ITPR2: variants seen among roughly 807,000 people sequenced by gnomAD.
The protein encoded by ITPR2 is inositol 1,4,5-trisphosphate receptor type 2.
Under a neutral mutation model 317.1 loss-of-function variants are expected in ITPR2, and 207 were observed. That is an observed-to-expected ratio of 0.65 (90% CI 0.58 to 0.73). The LOEUF (loss-of-function observed/expected upper bound fraction) is 0.73, where lower values mean the gene tolerates loss of function less well. Among genes scored for constraint, ITPR2 ranks in the 30% least tolerant of loss-of-function variants. The probability of loss-of-function intolerance (pLI) is 0.00; values close to 1 mark genes in which losing one functional copy is unlikely to be tolerated. For missense variants in ITPR2, 2,613 were observed against 3,284.0 expected (o/e 0.80, Z 4.99); for synonymous variants, 1,156 against 1,149.1 (o/e 1.01, Z -0.12).
At chr12:26,417,379 G>A (rs1940751770) in intron 50 of ITPR2, among the ~76,000 whole-genome samples, 1 of 152,106 alleles carries the variant, frequency 6.6e-6, no homozygotes, top group Non-Finnish European at 1.5e-5. Flanking sequence ...ATCTGATATG[G>A]TTTGGCTCTG....
At chr12:26,403,820 C>A (rs545942273) in intron 52 of ITPR2, among the ~76,000 whole-genome samples, 1 of 151,246 alleles carries the variant, frequency 6.6e-6, no homozygotes, top group Non-Finnish European at 1.5e-5. Flanking sequence ...GGACAGAAAG[C>A]CCCAGAGGTA....
At chr12:26,653,241 C>CT (rs774729786) in intron 21 of ITPR2, among the ~76,000 whole-genome samples, 13,107 of 103,634 alleles carry the variant, frequency 0.13, 1,070 homozygotes, top group African/African-American at 0.17. Flanking sequence ...TTGAATCTTT[C>CT]TTTTTTTTTT....
intron 1 of ITPR2, among the ~76,000 whole-genome samples, chr12:26,803,193 T>C (rs1040068912): frequency 6.6e-6 from 1 of 152,206 alleles, no homozygotes; most frequent in East Asian, 1.9e-4. Flanking sequence ...CCCACCATAT[T>C]TGACATGCTA....
chr12:26,761,482 T>A (rs1044442722), intron 2 of ITPR2, among the ~76,000 whole-genome samples: 2 of 151,942 alleles, frequency 1.3e-5, no homozygotes, highest in Admixed American at 1.3e-4. Context: ...GATAAAGAGG[T>A]CAAAATAATC....
At position 26,663,882 on chromosome 12, in the gene ITPR2, A is replaced by C. The variant is rs201719070; in HGVS notation, c.1552-36T>G. 5.3e-4 allele frequency: 821 copies of C among 1,535,780 alleles called. 11 individuals carry two copies. The South Asian group carries it at 9.4e-3, about 18-fold the overall frequency. ...TAAAAACAGCCACCTATTCTGATGA[A>C]TAAAATGTTTTGCAACCTTTTTTTT... On this transcript the variant is annotated intron_variant, in intron 14 of 56. Transcript: ENST00000381340.
intron 34 of ITPR2, among the ~76,000 whole-genome samples, chr12:26,567,966 A>AT (rs1945026650): frequency 4.4e-5 from 1 of 22,602 alleles, no homozygotes; most frequent in African/African-American, 1.6e-4. Flanking sequence ...ATATATATAT[A>AT]TATTATATAT....
intron 52 of ITPR2, among the ~76,000 whole-genome samples, chr12:26,405,237 T>G (rs1415022883): frequency 6.6e-6 from 1 of 152,124 alleles, no homozygotes; most frequent in East Asian, 1.9e-4. Flanking sequence ...AGACTTTTAA[T>G]GTGGAGACAT....
chr12:26,455,015 T>C (rs1941845784), intron 45 of ITPR2, among the ~76,000 whole-genome samples: 1 of 152,112 alleles, frequency 6.6e-6, no homozygotes, highest in Non-Finnish European at 1.5e-5. Context: ...GTCAATTGCT[T>C]TTCTGTTTCT....
intron 55 of ITPR2, among the ~76,000 whole-genome samples, chr12:26,343,262 C>T (rs1356077247): frequency 6.6e-6 from 1 of 152,184 alleles, no homozygotes; most frequent in Non-Finnish European, 1.5e-5. Context: ...GCATCAAAGT[C>T]TGTTGGCAAG....
chr12:26,569,380 CTCTT>C (rs927906423), intron 34 of ITPR2, among the ~76,000 whole-genome samples: 3 of 151,748 alleles, frequency 2.0e-5, no homozygotes, highest in African/African-American at 7.3e-5. Context: ...ATGGTAAAAA[CTCTT>C]TATACAAAAA....
At chr12:26,786,784 C>T (rs1950260343) in intron 2 of ITPR2, among the ~76,000 whole-genome samples, 1 of 152,094 alleles carries the variant, frequency 6.6e-6, no homozygotes. Context: ...ACAAATCATA[C>T]CATGAGTATG....
chr12:26,655,660 A>T (rs1345221032), intron 20 of ITPR2, 48 bp downstream of exon 20: 1 of 1,533,384 alleles, frequency 6.5e-7, no homozygotes, highest in East Asian at 2.3e-5. Flanking sequence ...TTCATGAACT[A>T]AACTACCCAG....
chr12:26,367,585 G>C (rs1224671789), intron 55 of ITPR2, among the ~76,000 whole-genome samples: 4 of 152,168 alleles, frequency 2.6e-5, no homozygotes, highest in Admixed American at 2.6e-4. Context: ...AACGCAGATA[G>C]GGAAACTAAA....
chr12:26,784,319 GCCTCTCCCTCTCCCTCTCCCTC>G (rs1950159125), intron 2 of ITPR2, among the ~76,000 whole-genome samples: 1 of 31,720 alleles, frequency 3.2e-5, no homozygotes, highest in African/African-American at 1.5e-4. Context: ...CTCTCCCTCT[GCCTCTCCCTCTCCCTCTCCCTC>G]TCCCTCTCCC....
At chr12:26,604,570 G>A (rs1220742971) in intron 26 of ITPR2, among the ~76,000 whole-genome samples, 4 of 152,034 alleles carry the variant, frequency 2.6e-5, no homozygotes, top group Non-Finnish European at 4.4e-5. Flanking sequence ...CTACCTTGCT[G>A]ACCACTTGTC....
At chr12:26,349,044 A>G (rs1334455546) in intron 55 of ITPR2, among the ~76,000 whole-genome samples, 1 of 152,172 alleles carries the variant, frequency 6.6e-6, no homozygotes, top group East Asian at 1.9e-4. Context: ...GCTACTTGGG[A>G]GGCTGAGGTG....
Position 26,427,993 on chromosome 12 carries a change from G to A in ITPR2, c.6865C>T (p.Pro2289Ser). 6.2e-7 allele frequency: 1 copy of A among 1,612,724 alleles called. No individual in the cohort carries two copies. Among genetic ancestry groups the A allele is most frequent in the Non-Finnish European group, 8.5e-7 (1 of 1,179,276 alleles). Residue 2289 changes from proline to serine, a missense_variant, in exon 49 of 57, where the codon CCG becomes TCG. Coordinates refer to ENST00000381340, the MANE Select transcript of ITPR2 (RefSeq NM_002223.4). ...FFFSKPVGIR[P>S]FLVSIMLRSI... ...CTGAGCATTATTGATACAAGAAACGGCCGAATACCCACAGGCTTGGAGAAG... is the reference window on the plus strand; with the variant it reads ...CTGAGCATTATTGATACAAGAAACGACCGAATACCCACAGGCTTGGAGAAG...
intron 45 of ITPR2, among the ~76,000 whole-genome samples, chr12:26,473,474 C>T (rs191853823): frequency 1.3e-5 from 2 of 152,266 alleles, no homozygotes; most frequent in East Asian, 3.9e-4. Flanking sequence ...AAGACAACCT[C>T]CCCCATACAA....
At chr12:26,645,066 C>G (rs1409344851) in intron 21 of ITPR2, among the ~76,000 whole-genome samples, 1 of 152,164 alleles carries the variant, frequency 6.6e-6, no homozygotes. Flanking sequence ...TGCATCACAA[C>G]CCAACTTCTC....
Sources: allele counts gnomAD v4.1 joint callset (sites outside exome capture counted in the v4.1 genomes callset), GRCh38; gene constraint gnomAD v4.1.1; transcripts MANE v1.5; gene names NCBI Gene and HGNC (gene_info 2026-07-23, HGNC 2026-07-21).